PRKG1: variants seen among roughly 807,000 people sequenced by gnomAD.
PRKG1 encodes the protein cGMP-dependent protein kinase 1.
A neutral mutation model predicts 88.1 loss-of-function variants in PRKG1; 35 were observed. That is an observed-to-expected ratio of 0.40 (90% CI 0.30 to 0.53). PRKG1 has a LOEUF of 0.53. PRKG1 is among the 20% of genes least tolerant of loss of function. The pLI, the probability that PRKG1 is intolerant of heterozygous loss-of-function variation, is 0.59. For synonymous variants in PRKG1, 303 were observed against 292.5 expected (o/e 1.04, Z -0.37); for missense variants, 540 against 839.8 (o/e 0.64, Z 4.41).
intron 2 of PRKG1, among the ~76,000 whole-genome samples, chr10:51,464,990 G>T (rs11819049): frequency 0.45 from 68,006 of 151,856 alleles, 15,866 homozygotes; most frequent in African/African-American, 0.52. Context: ...CACAATTCTG[G>T]CTGTAATGCC....
At chr10:51,392,851 GC>G (rs1837454628) in intron 2 of PRKG1, among the ~76,000 whole-genome samples, 1 of 145,986 alleles carries the variant, frequency 6.8e-6, no homozygotes. Context: ...GGCTGGCCGG[GC>G]TGGGGGCTGA....
rs536768996 is a variant in PRKG1 at position 52,102,227 on chromosome 10, C to T, written c.936-31613C>T. Among the ~76,000 whole-genome samples, 11 of 152,106 alleles carry T rather than the reference C, an allele frequency of 7.2e-5. No homozygotes were observed. The South Asian group carries it at 2.3e-3, about 32-fold the overall frequency. On this transcript the variant is annotated intron_variant, in intron 7 of 17. Transcript: ENST00000373980. Reference sequence around the variant, plus strand: ...TACATTGGACAATGCCCCTGGGCCACCCAGAACCCCATGAGTTCAACATTA... The same window carrying T: ...TACATTGGACAATGCCCCTGGGCCATCCAGAACCCCATGAGTTCAACATTA...
At chr10:51,786,746 G>A (rs918629032) in intron 3 of PRKG1, among the ~76,000 whole-genome samples, 1 of 152,046 alleles carries the variant, frequency 6.6e-6, no homozygotes, top group African/African-American at 2.4e-5. Flanking sequence ...ATGTATTGTG[G>A]AACAAATATT....
intron 10 of PRKG1, among the ~76,000 whole-genome samples, chr10:52,261,145 A>C (rs901902964): frequency 7.9e-5 from 12 of 152,010 alleles, no homozygotes; most frequent in South Asian, 2.1e-4. Context: ...GAAAAAAAAA[A>C]CCTTATCTCC....
Position 51,696,363 on chromosome 10 carries a change from C to T in PRKG1, c.593-108222C>T, listed in dbSNP as rs576411350. Reference sequence around the variant, plus strand: ...TTTTACTTAGTGAAACCTTCCACTACTTATGAAAAGTCAAATATCATGTAT... The same window carrying T: ...TTTTACTTAGTGAAACCTTCCACTATTTATGAAAAGTCAAATATCATGTAT... On this transcript the variant is annotated intron_variant, in intron 3 of 17. Coordinates refer to ENST00000373980, the MANE Select transcript of PRKG1 (RefSeq NM_006258.4). 5.3e-5 allele frequency: 8 copies of T among 152,206 alleles called. No individual in the cohort carries two copies. The East Asian group carries it at 1.2e-3, about 22-fold the overall frequency. The allele number at this position is 152,206 out of a possible 1,614,324, so 9.4% of individuals were successfully genotyped here. A position where few individuals can be genotyped will look rare whatever the true frequency, so the allele number is the denominator to read the frequency against.
intron 2 of PRKG1, chr10:51,320,136 A>G (rs947573559): frequency 6.2e-6 from 1 of 162,580 alleles, no homozygotes; most frequent in African/African-American, 2.4e-5. Flanking sequence ...ACTTTGCCTG[A>G]AGGATTTTGC....
intron 2 of PRKG1, among the ~76,000 whole-genome samples, chr10:51,252,600 T>G: frequency 7.0e-6 from 1 of 142,130 alleles, no homozygotes; most frequent in African/African-American, 3.0e-5. Context: ...TATCATTCTC[T>G]CAACTCTACA....
chr10:51,203,198 C>T (rs1461984667), intron 2 of PRKG1, among the ~76,000 whole-genome samples: 3 of 152,052 alleles, frequency 2.0e-5, no homozygotes, highest in African/African-American at 2.4e-5. Context: ...GAAGGATATA[C>T]GTATTAAACA....
chr10:51,281,881 G>A (rs1441618414), intron 2 of PRKG1, among the ~76,000 whole-genome samples: 1 of 152,196 alleles, frequency 6.6e-6, no homozygotes, highest in Non-Finnish European at 1.5e-5. Context: ...GCTCATTAGA[G>A]TCACCTGTGA....
At chr10:51,978,455 G>A (rs1430570318) in intron 5 of PRKG1, among the ~76,000 whole-genome samples, 1 of 114,346 alleles carries the variant, frequency 8.7e-6, no homozygotes, top group Non-Finnish European at 1.7e-5. Flanking sequence ...TTTTTTTTTA[G>A]CTCCCTATGA....
chr10:51,493,516 G>A (rs1328055947), intron 3 of PRKG1, among the ~76,000 whole-genome samples: 2 of 151,896 alleles, frequency 1.3e-5, no homozygotes, highest in Non-Finnish European at 2.9e-5. Flanking sequence ...GATTTTTTTA[G>A]ATGTTGACTA....
chr10:52,237,612 A>G (rs1191233700), intron 9 of PRKG1, among the ~76,000 whole-genome samples: 163 of 142,888 alleles, frequency 1.1e-3, no homozygotes, highest in Middle Eastern at 3.5e-3. Context: ...CAACTTACAA[A>G]GGATGTGAAG....
chr10:51,683,914 AC>A (rs1840915322), intron 3 of PRKG1, among the ~76,000 whole-genome samples: 1 of 152,040 alleles, frequency 6.6e-6, no homozygotes, highest in African/African-American at 2.4e-5. Context: ...AGAAACTGGA[AC>A]CCTCATTTGT....
chr10:51,597,456 T>A (rs553212511), intron 3 of PRKG1, among the ~76,000 whole-genome samples: 1 of 152,208 alleles, frequency 6.6e-6, no homozygotes, highest in African/African-American at 2.4e-5. Flanking sequence ...GAGGGAATGA[T>A]CTGTTTCAAC....
intron 3 of PRKG1, among the ~76,000 whole-genome samples, chr10:51,477,252 A>G (rs1840223317): frequency 6.6e-6 from 1 of 151,310 alleles, no homozygotes; most frequent in African/African-American, 2.4e-5. Flanking sequence ...GCATAGCCCT[A>G]CAATTAAGAT....
intron 3 of PRKG1, among the ~76,000 whole-genome samples, chr10:51,532,778 A>G (rs188117920): frequency 6.6e-5 from 10 of 152,280 alleles, no homozygotes; most frequent in Admixed American, 6.5e-4. Flanking sequence ...TCAGGGATAT[A>G]CACTTTTCCC....
At chr10:52,217,060 G>A (rs764392131) in intron 9 of PRKG1, among the ~76,000 whole-genome samples, 20 of 152,036 alleles carry the variant, frequency 1.3e-4, no homozygotes, top group Non-Finnish European at 2.8e-4. Context: ...GCTGTTGTGT[G>A]GGAACTGTTC....
At chr10:51,514,474 G>T (rs902788427) in intron 3 of PRKG1, among the ~76,000 whole-genome samples, 1 of 152,156 alleles carries the variant, frequency 6.6e-6, no homozygotes, top group African/African-American at 2.4e-5. Flanking sequence ...ACCTAAGTAA[G>T]ATATTGATTA....
intron 1 of PRKG1, among the ~76,000 whole-genome samples, chr10:51,126,246 T>C (rs1845408749): frequency 1.2e-4 from 1 of 8,488 alleles, no homozygotes; most frequent in Non-Finnish European, 6.2e-4. Context: ...ATTATATATT[T>C]ATAATTATTT....
Sources: allele counts gnomAD v4.1 joint callset (sites outside exome capture counted in the v4.1 genomes callset), GRCh38; gene constraint gnomAD v4.1.1; transcripts MANE v1.5; gene names NCBI Gene and HGNC (gene_info 2026-07-23, HGNC 2026-07-21).